The following PCDHA13 variants were observed in gnomAD, a reference collection of about 807,000 sequenced individuals.
The protein encoded by PCDHA13 is protocadherin alpha 13.
Under a neutral mutation model 64.8 loss-of-function variants are expected in PCDHA13, and 54 were observed. The ratio of observed to expected loss-of-function variants is 0.83; its 90% CI spans 0.67 to 1.04. PCDHA13 has a LOEUF of 1.04. Among genes scored for constraint, PCDHA13 ranks in the 50% least tolerant of loss-of-function variants. The pLI is 0.00. For synonymous variants in PCDHA13, 587 were observed against 564.4 expected (o/e 1.04, Z -0.57); for missense variants, 1,248 against 1,254.3 (o/e 0.99, Z 0.08).
chr5:141,000,415 ATATATATTTTTTT>A (rs1176788591), intron 3 of PCDHA13, among the ~76,000 whole-genome samples: 1 of 87,398 alleles, frequency 1.1e-5, no homozygotes, highest in Non-Finnish European at 2.1e-5. Flanking sequence ...ATATATATAT[ATATATATTTTTTT>A]TTTTTTTTTT....
chr5:140,944,097 A>G lies in PCDHA13; in HGVS notation c.2395-34852A>G, dbSNP rs2093609741. On this transcript the variant is annotated intron_variant, in intron 1 of 3. Coordinates refer to ENST00000289272, the MANE Select transcript of PCDHA13 (RefSeq NM_018904.3). ...ATAAAGGAGGCCTGAGTAAGTTTAT[A>G]TCTCATGGGAAAATGGTACCAGAGA... is the stretch of plus-strand genomic sequence containing the variant. Among the ~76,000 whole-genome samples, 3 of 152,244 alleles carry G rather than the reference A, an allele frequency of 2.0e-5. No individual in the cohort carries two copies. In the South Asian group the frequency reaches 6.2e-4, roughly 31 times the overall value.
chr5:140,927,530 G>A (rs2084329100), intron 1 of PCDHA13: 2 of 1,614,080 alleles, frequency 1.2e-6, no homozygotes, highest in Non-Finnish European at 1.7e-6. Flanking sequence ...CTACCTGCCC[G>A]CTCAGGAGAC....
At position 141,009,794 on chromosome 5, in the gene PCDHA13, A is replaced by G. The variant is rs1314860754; in HGVS notation, c.2710A>G (p.Thr904Ala). 1.2e-6 allele frequency: 2 copies of G among 1,614,042 alleles called. No homozygotes were observed. Among genetic ancestry groups the G allele is most frequent in the South Asian group, 1.1e-5 (1 of 91,076 alleles). Reference protein sequence around the residue: ...PAIISIRQEPTNSQIDKSDFI... With the variant: ...PAIISIRQEPANSQIDKSDFI... ...AATCATCTCCATCCGGCAGGAGCCTACTAACAGCCAAATTGACAAAAGTGA... is the reference window on the plus strand; with the variant it reads ...AATCATCTCCATCCGGCAGGAGCCTGCTAACAGCCAAATTGACAAAAGTGA... The change falls in exon 4 of 4, where the codon ACT (threonine) becomes GCT (alanine). Residue 904 changes from threonine (T) to alanine (A), a missense_variant. Physicochemically the swap from Thr to Ala is moderately conservative, Grantham distance 58. Coordinates refer to ENST00000289272, the MANE Select transcript of PCDHA13 (RefSeq NM_018904.3).
At chr5:140,987,565 T>C (rs1407426548) in intron 3 of PCDHA13, among the ~76,000 whole-genome samples, 1 of 152,344 alleles carries the variant, frequency 6.6e-6, no homozygotes, top group East Asian at 1.9e-4. Flanking sequence ...TCTCAGTTTC[T>C]TTCTCTATAA....
chr5:140,967,386 T>TA, intron 1 of PCDHA13: 1 of 1,609,114 alleles, frequency 6.2e-7, no homozygotes, highest in Non-Finnish European at 8.5e-7. Context: ...AGTAAAGTGC[T>TA]TGAGCTGGTG....
intron 3 of PCDHA13, among the ~76,000 whole-genome samples, chr5:140,994,564 G>A (rs1554254259): frequency 6.6e-6 from 1 of 152,070 alleles, no homozygotes; most frequent in Non-Finnish European, 1.5e-5. Flanking sequence ...AATTAGCCGG[G>A]TGTGGTGGCA....
chr5:140,928,251 C>T (rs267600404), intron 1 of PCDHA13: 5 of 1,614,204 alleles, frequency 3.1e-6, no homozygotes, highest in Non-Finnish European at 3.4e-6. Flanking sequence ...AGGAACTTTT[C>T]GTTGCTGAAA....
intron 1 of PCDHA13, among the ~76,000 whole-genome samples, chr5:140,888,361 C>G (rs1445087911): frequency 2.0e-5 from 3 of 152,156 alleles, no homozygotes; most frequent in Non-Finnish European, 4.4e-5. Flanking sequence ...CTACTGGCAT[C>G]TAATAATGGA....
intron 1 of PCDHA13, among the ~76,000 whole-genome samples, chr5:140,950,689 A>G (rs1585383013): frequency 2.6e-5 from 4 of 152,212 alleles, no homozygotes; most frequent in Admixed American, 2.6e-4. Flanking sequence ...ATTGTTAACC[A>G]AATTTGACAA....
chr5:140,920,927 A>G (rs1350465462), intron 1 of PCDHA13, among the ~76,000 whole-genome samples: 1 of 151,716 alleles, frequency 6.6e-6, no homozygotes, highest in East Asian at 1.9e-4. Context: ...AGAGTAGGTG[A>G]TCTAGCCCTT....
At chr5:140,932,633 A>T (rs1192123242) in intron 1 of PCDHA13, among the ~76,000 whole-genome samples, 1 of 151,912 alleles carries the variant, frequency 6.6e-6, no homozygotes, top group African/African-American at 2.4e-5. Flanking sequence ...ACACTAAAAA[A>T]CTTTAGAATG....
intron 1 of PCDHA13, among the ~76,000 whole-genome samples, chr5:140,904,496 A>G (rs1174844806): frequency 1.3e-5 from 2 of 151,832 alleles, no homozygotes; most frequent in Non-Finnish European, 2.9e-5. Context: ...CCAAATTTTT[A>G]CAATTGTGAA....
At chr5:140,937,748 T>C (rs192465220) in intron 1 of PCDHA13, among the ~76,000 whole-genome samples, 1 of 151,812 alleles carries the variant, frequency 6.6e-6, no homozygotes, top group Admixed American at 6.6e-5. Context: ...CCGTCTCTAC[T>C]AAAAATACAA....
chr5:141,010,260 C>T lies in PCDHA13; in HGVS notation c.*323C>T, dbSNP rs906685521. The stretch of plus-strand genomic sequence containing the variant: ...GAGAGGTTGGACTCTCTGCCCTGTG[C>T]TCCGGGGATCCTGTCTTGATGACAC... On this transcript the variant is annotated 3_prime_UTR_variant, in exon 4 of 4. Transcript: ENST00000289272. 6.4e-7 allele frequency: 1 copy of T among 1,551,674 alleles called. No individual in the cohort carries two copies. The highest frequency in any genetic ancestry group is 1.4e-5 in the African/African-American group (1 of 73,028).
chr5:140,950,247 A>G (rs1483854749), intron 1 of PCDHA13, among the ~76,000 whole-genome samples: 1 of 152,004 alleles, frequency 6.6e-6, no homozygotes, highest in East Asian at 1.9e-4. Flanking sequence ...ATTTGTTCCT[A>G]AAGAGCTGAG....
chr5:140,923,832 T>C (rs1584323997), intron 1 of PCDHA13, among the ~76,000 whole-genome samples: 1 of 152,306 alleles, frequency 6.6e-6, no homozygotes, highest in East Asian at 1.9e-4. Context: ...TCAGTGGCAG[T>C]TTAAATAGAG....
chr5:141,003,574 A>G (rs559561339), intron 3 of PCDHA13, among the ~76,000 whole-genome samples: 22 of 151,680 alleles, frequency 1.5e-4, no homozygotes, highest in Admixed American at 3.9e-4. Context: ...CAGACTCCCA[A>G]AGTGCTGGGA....
chr5:141,009,868 G>C lies in PCDHA13; in HGVS notation c.2784G>C (p.Lys928Asn). 1 of 1,614,022 alleles carries C rather than the reference G, an allele frequency of 6.2e-7. No individual in the cohort carries two copies. Among genetic ancestry groups the C allele is most frequent in the Non-Finnish European group, 8.5e-7 (1 of 1,180,004 alleles). Residue 928 changes from lysine (K) to asparagine (N), a missense_variant, in exon 4 of 4, where the codon AAG becomes AAC. Transcript: ENST00000289272. ...AGGAGACCAAGAAAAAGAAGAAAAA[G>C]AAGAAGGGTAACAAGACCCAGGAGA... ...KKEETKKKKKKKKGNKTQEKK... is the reference protein window; with the variant it reads ...KKEETKKKKKNKKGNKTQEKK...
intron 1 of PCDHA13, chr5:140,966,954 G>T (rs782541612): frequency 6.2e-7 from 1 of 1,601,606 alleles, no homozygotes; most frequent in Non-Finnish European, 8.5e-7. Flanking sequence ...AACGTGGCTC[G>T]CGCGCTGGGG....
Sources: allele counts gnomAD v4.1 joint callset (sites outside exome capture counted in the v4.1 genomes callset), GRCh38; gene constraint gnomAD v4.1.1; transcripts MANE v1.5; gene names NCBI Gene and HGNC (gene_info 2026-07-23, HGNC 2026-07-21).